The following NEDD4 variants were observed in gnomAD, a reference collection of about 807,000 sequenced individuals.
NEDD4 encodes E3 ubiquitin-protein ligase NEDD4.
NEDD4 carries 99 observed loss-of-function variants against 144.9 expected under a neutral mutation model. That is an observed-to-expected ratio of 0.68 (90% CI 0.58 to 0.81). The LOEUF (loss-of-function observed/expected upper bound fraction) is 0.81. NEDD4 is among the 30% of genes least tolerant of loss of function. The pLI is 0.00. For missense variants in NEDD4, 985 were observed against 1,065.9 expected, an observed-to-expected ratio of 0.92 and a Z score of 1.06; for synonymous variants, 318 against 350.6, an observed-to-expected ratio of 0.91 and a Z score of 1.04.
At chr15:55,846,742 C>A (rs1238526069) in intron 18 of NEDD4, among the ~76,000 whole-genome samples, 1 of 152,076 alleles carries the variant, frequency 6.6e-6, no homozygotes, top group Non-Finnish European at 1.5e-5. Flanking sequence ...ACTTTAAATG[C>A]CATTTTTCTA....
At chr15:55,890,256 T>C (rs1202505564) in intron 5 of NEDD4, among the ~76,000 whole-genome samples, 1 of 152,200 alleles carries the variant, frequency 6.6e-6, no homozygotes, top group African/African-American at 2.4e-5. Flanking sequence ...TTCAATGTTT[T>C]TTAGTATTTT....
chr15:55,960,067 G>A (rs991885695), intron 2 of NEDD4, among the ~76,000 whole-genome samples: 2 of 152,102 alleles, frequency 1.3e-5, no homozygotes, highest in African/African-American at 4.8e-5. Context: ...CTGCCTCCTG[G>A]TAACCATCTC....
In NEDD4 at chr15:55,923,657, A is replaced by ATAT. The variant is rs1555404578; in HGVS notation, c.291+988_291+989insATA. Among the ~76,000 whole-genome samples the ATAT allele has an allele frequency of 2.0e-4, 26 of 129,204 alleles. No homozygotes were observed. In the South Asian group the frequency reaches 5.3e-3, roughly 26 times the overall value. 84.8% of individuals were successfully genotyped at this position (129,204 alleles called of 152,430 possible). A position where few individuals can be genotyped will look rare whatever the true frequency, so the allele number is the denominator to read the frequency against. ...CGAGACTCCATCTCAAAAAAAAAAA[A>ATAT]AAATATATATATATATAGCAAGTCA... On this transcript the variant is annotated intron_variant, in intron 5 of 28. Coordinates refer to ENST00000435532, the MANE Select transcript of NEDD4 (RefSeq NM_006154.4).
At chr15:55,831,039 C>A (rs2032925950) in intron 27 of NEDD4, among the ~76,000 whole-genome samples, 1 of 152,032 alleles carries the variant, frequency 6.6e-6, no homozygotes, top group African/African-American at 2.4e-5. Flanking sequence ...ATGCCTCAGC[C>A]CTCCCAAGAA....
At chr15:55,935,926 C>T (rs1463160661) in intron 4 of NEDD4, among the ~76,000 whole-genome samples, 1 of 150,874 alleles carries the variant, frequency 6.6e-6, no homozygotes, top group South Asian at 2.1e-4. Context: ...TTTGGAACTG[C>T]TGTAAGTATC....
chr15:55,870,175 C>G (rs2078120803), intron 7 of NEDD4, among the ~76,000 whole-genome samples: 1 of 152,176 alleles, frequency 6.6e-6, no homozygotes, highest in Non-Finnish European at 1.5e-5. Context: ...CATGCAAAAT[C>G]AGACAACTTC....
chr15:55,964,988 G>A (rs1346730015), intron 2 of NEDD4, among the ~76,000 whole-genome samples: 5 of 151,668 alleles, frequency 3.3e-5, no homozygotes, highest in Non-Finnish European at 5.9e-5. Context: ...CTTTGTGTAC[G>A]CTAGGTCCCC....
chr15:55,954,374 C>T (rs1449286747), intron 2 of NEDD4, among the ~76,000 whole-genome samples: 2 of 151,920 alleles, frequency 1.3e-5, no homozygotes, highest in Non-Finnish European at 2.9e-5. Flanking sequence ...CTACATTTTC[C>T]CTTTCCAGTC....
chr15:55,837,821 G>A lies in NEDD4; in HGVS notation c.2230C>T (p.Arg744Ter), dbSNP rs138767007. The A allele has an allele frequency of 6.8e-6, 11 of 1,611,538 alleles. No homozygotes were observed. Among genetic ancestry groups the A allele is most frequent in the Admixed American group, 1.7e-5 (1 of 59,722 alleles). Residue 744 changes from arginine to a stop codon, truncating the protein, a stop_gained, in exon 24 of 29, where the codon CGA becomes TGA. Transcript: ENST00000435532. LOFTEE classifies it high-confidence loss of function. Reference sequence around the variant, plus strand: ...AAAGCAGCCATTTGCTTCTGGATTCGGTTTACAAATCGCCATTGTATTACA... The same window carrying A: ...AAAGCAGCCATTTGCTTCTGGATTCAGTTTACAAATCGCCATTGTATTACA... ...YLVIQWRFVN[R>*]IQKQMAAFKE...
intron 5 of NEDD4, among the ~76,000 whole-genome samples, chr15:55,893,445 C>A (rs1437449602): frequency 1.3e-5 from 2 of 151,670 alleles, no homozygotes; most frequent in African/African-American, 2.4e-5. Flanking sequence ...CACAAAAGAC[C>A]AGAATACAAT....
At chr15:55,967,075 C>CA (rs34948623) in intron 1 of NEDD4, among the ~76,000 whole-genome samples, 20,307 of 152,064 alleles carry the variant, frequency 0.13, 1,465 homozygotes, top group East Asian at 0.32. Flanking sequence ...TTAGTAGAGA[C>CA]AGGGTTTCAC....
At chr15:55,858,317 T>A (rs893794780) in intron 11 of NEDD4, among the ~76,000 whole-genome samples, 88 of 152,250 alleles carry the variant, frequency 5.8e-4, no homozygotes, top group South Asian at 6.2e-4. Flanking sequence ...TATTCTTTTT[T>A]TTTTCTTGAG....
intron 1 of NEDD4, among the ~76,000 whole-genome samples, chr15:55,989,925 G>T (rs1112535): frequency 0.062 from 9,357 of 152,014 alleles, 371 homozygotes; most frequent in East Asian, 0.16. Context: ...CATTACCTCC[G>T]GAGCTCTGCT....
chr15:55,863,285 A>AGAC (rs1214172747), intron 8 of NEDD4, among the ~76,000 whole-genome samples: 15 of 152,248 alleles, frequency 9.9e-5, no homozygotes, highest in Non-Finnish European at 1.9e-4. Flanking sequence ...ATAACCATTT[A>AGAC]AATTTTGTTT....
At chr15:55,888,077 T>C (rs983754864) in intron 5 of NEDD4, among the ~76,000 whole-genome samples, 5 of 152,112 alleles carry the variant, frequency 3.3e-5, no homozygotes, top group Non-Finnish European at 7.4e-5. Context: ...ATCTGGAACA[T>C]GACAGGAATG....
chr15:55,913,483 C>T (rs1252090493), intron 5 of NEDD4, among the ~76,000 whole-genome samples: 1 of 151,976 alleles, frequency 6.6e-6, no homozygotes, highest in Non-Finnish European at 1.5e-5. Context: ...ATTTAACTGT[C>T]ACTATATGGT....
chr15:55,857,235 A>C (rs141854751), intron 11 of NEDD4, among the ~76,000 whole-genome samples: 1 of 152,366 alleles, frequency 6.6e-6, no homozygotes, highest in East Asian at 1.9e-4. Context: ...TATCACCAGC[A>C]AATCAGTATC....
At position 55,993,593 on chromosome 15, in the gene NEDD4, CG is replaced by C; in HGVS notation, c.-39del. 6.3e-7 allele frequency: 1 copy of C among 1,586,296 alleles called. No individual in the cohort carries two copies. The highest frequency in any genetic ancestry group is 8.6e-7 in the Non-Finnish European group (1 of 1,169,500). On this transcript the variant is annotated 5_prime_UTR_variant, in exon 1 of 29. Transcript: ENST00000435532. ...CCAGCAAACCGGACGCGCTCGCCCC[CG>C]CCCAGGGCAGGCAACTGTGGAGGAG...
intron 12 of NEDD4, among the ~76,000 whole-genome samples, chr15:55,854,139 A>T (rs1404782482): frequency 6.6e-6 from 1 of 150,980 alleles, no homozygotes; most frequent in Non-Finnish European, 1.5e-5. Context: ...ACAGAGCAAG[A>T]CTCCATCCCC....
Sources: allele counts gnomAD v4.1 joint callset (sites outside exome capture counted in the v4.1 genomes callset), GRCh38; gene constraint gnomAD v4.1.1; transcripts MANE v1.5; gene names NCBI Gene and HGNC (gene_info 2026-07-23, HGNC 2026-07-21).